The following SCML4 variants were observed in gnomAD, a reference collection of about 807,000 sequenced individuals.
SCML4 encodes the protein Scm polycomb group protein like 4.
Under a neutral mutation model 41.1 loss-of-function variants are expected in SCML4, and 34 were observed. The observed-to-expected ratio is 0.83, with a 90% CI of 0.63 to 1.10. The LOEUF is 1.10. Among genes scored for constraint, SCML4 ranks in the 50% least tolerant of loss-of-function variants. The pLI, the probability that SCML4 is intolerant of heterozygous loss-of-function variation, is 0.00. For synonymous variants in SCML4, 214 were observed against 220.9 expected (o/e 0.97, Z 0.28); for missense variants, 522 against 534.1 (o/e 0.98, Z 0.22).
chr6:107,800,260 A>G (rs1231219748), intron 1 of SCML4, among the ~76,000 whole-genome samples: 1 of 152,244 alleles, frequency 6.6e-6, no homozygotes, highest in African/African-American at 2.4e-5. Context: ...TTGTGTTAAC[A>G]GTGGATAATG....
chr6:107,804,061 GAAAAAGA>G (rs1477120017), intron 1 of SCML4, among the ~76,000 whole-genome samples: 1 of 63,640 alleles, frequency 1.6e-5, no homozygotes, highest in Non-Finnish European at 2.8e-5. Context: ...AAAAAAAAAA[GAAAAAGA>G]AAAAAAAAAA....
At chr6:107,762,954 C>T (rs1184981442) in intron 2 of SCML4, among the ~76,000 whole-genome samples, 1 of 129,580 alleles carries the variant, frequency 7.7e-6, no homozygotes, top group Non-Finnish European at 1.6e-5. Flanking sequence ...ACAATCATGA[C>T]TTACTTCAGC....
At chr6:107,826,135 T>C (rs1038795530), upstream of SCML4, among the ~76,000 whole-genome samples, 1 of 151,392 alleles carries the variant, frequency 6.6e-6, no homozygotes, top group African/African-American at 2.4e-5. Flanking sequence ...TCCCAGCTAC[T>C]CGGGAGGCTG....
chr6:107,741,146 C>A (rs557729380), intron 5 of SCML4, among the ~76,000 whole-genome samples: 2 of 152,204 alleles, frequency 1.3e-5, no homozygotes, highest in Admixed American at 6.5e-5. Flanking sequence ...TCAGTCCCCA[C>A]CACAGAAAAT....
intron 2 of SCML4, among the ~76,000 whole-genome samples, chr6:107,751,010 C>T (rs1280760037): frequency 6.6e-6 from 1 of 152,214 alleles, no homozygotes; most frequent in African/African-American, 2.4e-5. Context: ...TATATTCACT[C>T]ATTTATTTGT....
In SCML4 at chr6:107,772,993, G is replaced by A. The variant is rs1318896392; in HGVS notation, c.-59-607C>T. 4.6e-5 allele frequency among the ~76,000 whole-genome samples: 7 copies of A among 152,208 alleles called. No homozygotes were observed. In the East Asian group the frequency reaches 1.3e-3, roughly 29 times the overall value. On this transcript the variant is annotated intron_variant, in intron 1 of 7. Transcript: ENST00000369020. ...TGATTTAGAATTGCAAAATTAAAATGCGTGCAACCCAAATAATAAGCAATA... is the reference window on the plus strand; with the variant it reads ...TGATTTAGAATTGCAAAATTAAAATACGTGCAACCCAAATAATAAGCAATA...
At chr6:107,734,326 A>G (rs7766727) in intron 5 of SCML4, among the ~76,000 whole-genome samples, 137,704 of 152,220 alleles carry the variant, frequency 0.9, 63,407 homozygotes, top group Non-Finnish European at 0.99. Flanking sequence ...ACTTTCTACC[A>G]AAATTTTATC....
At chr6:107,837,469 C>A in the SCML4 span, among the ~76,000 whole-genome samples, 1 of 152,184 alleles carries the variant, frequency 6.6e-6, no homozygotes, top group Non-Finnish European at 1.5e-5. Flanking sequence ...TCACCTTCAC[C>A]TCGAGTTCAG....
chr6:107,805,612 A>C (rs575563441), intron 1 of SCML4, among the ~76,000 whole-genome samples: 2 of 152,282 alleles, frequency 1.3e-5, no homozygotes, highest in African/African-American at 2.4e-5. Flanking sequence ...GTCAAACTAC[A>C]CTTGAAAAAC....
chr6:107,840,672 A>C, the SCML4 span, among the ~76,000 whole-genome samples: 10 of 152,224 alleles, frequency 6.6e-5, no homozygotes, highest in Admixed American at 6.5e-4. Context: ...AAAATTAAGT[A>C]GCGAACAGGG....
intron 1 of SCML4, among the ~76,000 whole-genome samples, chr6:107,801,235 C>T (rs1783095134): frequency 6.6e-6 from 1 of 152,164 alleles, no homozygotes; most frequent in Non-Finnish European, 1.5e-5. Flanking sequence ...ATGGTAAGCC[C>T]ACTCTTCCAT....
At chr6:107,775,949 C>T (rs1014425410) in intron 1 of SCML4, among the ~76,000 whole-genome samples, 1 of 151,564 alleles carries the variant, frequency 6.6e-6, no homozygotes, top group East Asian at 1.9e-4. Context: ...GGACAACTGG[C>T]GTTTAGAAAT....
intron 1 of SCML4, among the ~76,000 whole-genome samples, chr6:107,782,628 G>GCCTGATGGCAGGTGCTGGTCTGAGTTTT (rs1781596649): frequency 1.3e-5 from 2 of 152,322 alleles, no homozygotes; most frequent in African/African-American, 4.8e-5. Flanking sequence ...GGATAAGTTT[G>GCCTGATGGCAGGTGCTGGTCTGAGTTTT]CCTGATGGCA....
chr6:107,753,343 A>G (rs1365008204), intron 2 of SCML4, among the ~76,000 whole-genome samples: 1 of 152,194 alleles, frequency 6.6e-6, no homozygotes, highest in Non-Finnish European at 1.5e-5. Context: ...TGTAGCCCCC[A>G]AAATTGAAAA....
chr6:107,744,592 C>T (rs1308228870), intron 5 of SCML4, among the ~76,000 whole-genome samples: 1 of 152,190 alleles, frequency 6.6e-6, no homozygotes, highest in East Asian at 1.9e-4. Context: ...CCTGCTACTA[C>T]TCAACAATGA....
chr6:107,706,794 G>T (rs944024959), intron 7 of SCML4, among the ~76,000 whole-genome samples: 1 of 152,140 alleles, frequency 6.6e-6, no homozygotes, highest in Non-Finnish European at 1.5e-5. Context: ...AGCCGAACAG[G>T]CCTCAGCTTG....
chr6:107,741,398 A>G (rs1479091691), intron 5 of SCML4, among the ~76,000 whole-genome samples: 4 of 152,194 alleles, frequency 2.6e-5, no homozygotes, highest in Non-Finnish European at 5.9e-5. Flanking sequence ...ACCAGCTTTC[A>G]CACCATCTTG....
intron 1 of SCML4, among the ~76,000 whole-genome samples, chr6:107,798,283 A>T (rs1244898829): frequency 6.6e-6 from 1 of 151,992 alleles, no homozygotes; most frequent in Non-Finnish European, 1.5e-5. Flanking sequence ...GTTTTTAATT[A>T]TAAATTCATT....
In SCML4 at chr6:107,756,166, C is replaced by T. The variant is rs60018308; in HGVS notation, c.157-6353G>A. On this transcript the variant is annotated intron_variant, in intron 2 of 7. Transcript: ENST00000369020. ...CAATTCCCTACTCCTTACGGATGGG[C>T]TGTGCACAGTGAGTACTTCCAAAGA... is the stretch of plus-strand genomic sequence containing the variant. 2.9e-3 allele frequency among the ~76,000 whole-genome samples: 437 copies of T among 152,236 alleles called. 3 individuals are homozygous for T. Among genetic ancestry groups the T allele is most frequent in the African/African-American group, 0.01 (418 of 41,530 alleles).
Sources: allele counts gnomAD v4.1 joint callset (sites outside exome capture counted in the v4.1 genomes callset), GRCh38; gene constraint gnomAD v4.1.1; transcripts MANE v1.5; gene names NCBI Gene and HGNC (gene_info 2026-07-23, HGNC 2026-07-21).